MUC17: variants seen among roughly 807,000 people sequenced by gnomAD.
MUC17 encodes the protein mucin-17.
Under a neutral mutation model 170.3 loss-of-function variants are expected in MUC17, and 190 were observed. The ratio of observed to expected loss-of-function variants is 1.12; its 90% CI spans 0.99 to 1.26. The LOEUF is 1.26. MUC17 is among the 50% of genes most tolerant of loss of function. The pLI is 0.00. For synonymous variants in MUC17, 2,325 were observed against 2,002.5 expected (o/e 1.16, Z -4.30); for missense variants, 6,415 against 5,530.0 (o/e 1.16, Z -5.08).
chr7:101,050,806 G>A (rs1023683143), intron 7 of MUC17, among the ~76,000 whole-genome samples, 171 bp downstream of exon 7: 2 of 152,172 alleles, frequency 1.3e-5, no homozygotes, highest in South Asian at 4.1e-4. Flanking sequence ...GGATTGGGCC[G>A]AGAGAGTCTT....
chr7:101,029,860 A>G (rs1429121873), intron 1 of MUC17, among the ~76,000 whole-genome samples: 1 of 151,940 alleles, frequency 6.6e-6, no homozygotes, highest in African/African-American at 2.4e-5. Context: ...CGGCCTCCCA[A>G]AATGCTGAGA....
chr7:101,033,757 TCTA>T lies in MUC17; in HGVS notation c.2344_2346del (p.Thr782del). On this transcript the variant is annotated inframe_deletion, in exon 3 of 13. Coordinates refer to ENST00000306151, the MANE Select transcript of MUC17 (RefSeq NM_001040105.2). ...TGACACAAGCACACATATCACCACT[TCTA>T]CTGAAGCCAGTTGCTCTCCTACAAC... is the stretch of plus-strand genomic sequence containing the variant. 6.2e-7 allele frequency: 1 copy of T among 1,613,978 alleles called. No individual in the cohort carries two copies. Among genetic ancestry groups the T allele is most frequent in the Non-Finnish European group, 8.5e-7 (1 of 1,179,974 alleles).
At chr7:101,046,396 A>G (rs1395657509) in intron 3 of MUC17, among the ~76,000 whole-genome samples, 1 of 152,208 alleles carries the variant, frequency 6.6e-6, no homozygotes, top group African/African-American at 2.4e-5. Context: ...TTCCAGGTTG[A>G]TTGGCACAGA....
In MUC17 at chr7:101,043,761, G is replaced by A. The variant is rs140217158; in HGVS notation, c.12345G>A (p.Thr4115=). The A allele has an allele frequency of 1.9e-5, 30 of 1,613,716 alleles. No individual in the cohort carries two copies. The highest frequency in any genetic ancestry group is 8.3e-5 in the Admixed American group (5 of 59,972). ...CGGTGACCACCACCGCTGTCCCCAC[G>A]AATACTACAATTAAGAGCAACCCCA... ...FPTVTTTAVP[T]NTTIKSNPTS... Residue 4115 remains threonine, a synonymous_variant, in exon 3 of 13, where the codon ACG becomes ACA. Transcript: ENST00000306151.
intron 3 of MUC17, among the ~76,000 whole-genome samples, chr7:101,044,150 T>C (rs1466212678): frequency 6.6e-6 from 1 of 152,196 alleles, no homozygotes; most frequent in Non-Finnish European, 1.5e-5. Context: ...TTCATCCATG[T>C]CCCTACAAAG....
rs1369220459 is a variant in MUC17, at chr7:101,043,040, C to T, written c.11624C>T (p.Pro3875Leu). Residue 3875 changes from proline (P) to leucine (L), a missense_variant, in exon 3 of 13, where the codon CCA becomes CTA. Coordinates refer to ENST00000306151, the MANE Select transcript of MUC17 (RefSeq NM_001040105.2). ...TCAATTACCAGTGAAAGAAGCACTC[C>T]ATTAACAACTCTCCTTGTCAGCACC... is the stretch of plus-strand genomic sequence containing the variant. ...RISITSERST[P>L]LTTLLVSTTL... 1.2e-6 allele frequency: 2 copies of T among 1,614,180 alleles called. No homozygotes were observed. Among genetic ancestry groups the T allele is most frequent in the Non-Finnish European group, 8.5e-7 (1 of 1,180,038 alleles).
intron 8 of MUC17, 61 bp downstream of exon 8, chr7:101,051,742 G>A: frequency 6.2e-6 from 10 of 1,605,700 alleles, no homozygotes; most frequent in Non-Finnish European, 8.5e-6. Context: ...CAGGAGGAGT[G>A]GGACAGTGTC....
chr7:101,049,427 A>C lies in MUC17; in HGVS notation c.12722+45A>C, dbSNP rs1223230483. The C allele has an allele frequency of 1.9e-6, 3 of 1,584,324 alleles. No individual in the cohort carries two copies. In the African/African-American group the frequency reaches 4.0e-5, roughly 21 times the overall value. On this transcript the variant is annotated intron_variant, in intron 6 of 12. Coordinates refer to ENST00000306151, the MANE Select transcript of MUC17 (RefSeq NM_001040105.2). ...GGAAGAGGGTCTGTGGCGTGGAAGC[A>C]GTGGTCATAGTTATAAAGGCAATTA...
At position 101,034,718 on chromosome 7, in the gene MUC17, C is replaced by G. The variant is rs1165124273; in HGVS notation, c.3302C>G (p.Thr1101Ser). The change falls in exon 3 of 13, where the codon ACT becomes AGT. Residue 1101 changes from threonine to serine, a missense_variant. By Grantham distance (58) the Thr-to-Ser change is moderately conservative. Transcript: ENST00000306151. ...MPTSTYSEGSTPLTSVPVSTR... is the reference protein window; with the variant it reads ...MPTSTYSEGSSPLTSVPVSTR... ...ACCTCAACTTATAGTGAAGGAAGCA[C>G]TCCACTAACAAGTGTGCCTGTCAGC... 1.9e-6 allele frequency: 3 copies of G among 1,606,734 alleles called. No homozygotes were observed. The African/African-American group carries it at 4.0e-5, about 22-fold the overall frequency.
chr7:101,025,203 A>C (rs915796161), intron 1 of MUC17, among the ~76,000 whole-genome samples: 3 of 146,594 alleles, frequency 2.0e-5, no homozygotes, highest in African/African-American at 8.2e-5. Context: ...TCATCTCTAC[A>C]AAAAAATGTA....
intron 11 of MUC17, among the ~76,000 whole-genome samples, chr7:101,055,107 AAGGAGG>A (rs538191693): frequency 2.7e-4 from 41 of 151,892 alleles, no homozygotes; most frequent in Middle Eastern, 3.4e-3. Context: ...GATTCCGTAG[AAGGAGG>A]AGGAGGAGGA....
At position 101,041,403 on chromosome 7, in the gene MUC17, C is replaced by G; in HGVS notation, c.9987C>G (p.Ser3329Arg). ...SSSPPIADGT[S>R]MPTSTYSEGS... ...CTCCTCCAATTGCTGACGGTACTAG[C>G]ATGCCAACCTCAACTTATAGTGAAG... Residue 3329 changes from serine to arginine, a missense_variant, in exon 3 of 13, where the codon AGC becomes AGG. Transcript: ENST00000306151. 2 of 1,613,776 alleles carry G rather than the reference C, an allele frequency of 1.2e-6. No individual in the cohort carries two copies. The highest frequency in any genetic ancestry group is 4.5e-5 in the East Asian group (2 of 44,868).
chr7:101,041,085 A>T lies in MUC17; in HGVS notation c.9669A>T (p.Pro3223=). 6.2e-7 allele frequency: 1 copy of T among 1,613,884 alleles called. No homozygotes were observed. Among genetic ancestry groups the T allele is most frequent in the South Asian group, 1.1e-5 (1 of 91,060 alleles). ...CAACTCCTAGTGAAGGAATGACTCC[A>T]TTAACTAGTGTACCTGTCAGCAACA... ...PTSTPSEGMT[P]LTSVPVSNTP... is the part of the protein sequence containing the mutation. Residue 3223 remains proline (P), a synonymous_variant, in exon 3 of 13, where the codon CCA becomes CCT. Coordinates refer to ENST00000306151, the MANE Select transcript of MUC17 (RefSeq NM_001040105.2).
rs1248208222 is a variant in MUC17 at position 101,040,466 on chromosome 7, C to T, written c.9050C>T (p.Pro3017Leu). The T allele has an allele frequency of 3.7e-6, 6 of 1,612,360 alleles. No individual in the cohort carries two copies. The East Asian group carries it at 1.1e-4, about 30-fold the overall frequency. ...LSRTPADTST[P>L]VTTSTEASSS... ...AGAACTCCTGCTGACACCAGCACAC[C>T]TGTGACCACTTCTACTGAAGCCAGT... The change falls in exon 3 of 13, where the codon CCT becomes CTT. Residue 3017 changes from proline (P) to leucine (L), a missense_variant. Physicochemically the swap from Pro to Leu is moderately conservative, Grantham distance 98. Transcript: ENST00000306151.
rs1358406801 is a variant in MUC17 at position 101,040,102 on chromosome 7, A to G, written c.8686A>G (p.Thr2896Ala). ...CACCCTTTCAACAACTCCTGTTGAT[A>G]CCAGCATACCTGTCACCACTTCTAC... Reference protein sequence around the residue: ...ASTLSTTPVDTSIPVTTSTEG... With the variant: ...ASTLSTTPVDASIPVTTSTEG... Residue 2896 changes from threonine to alanine, a missense_variant, in exon 3 of 13, where the codon ACC (threonine) becomes GCC (alanine). Transcript: ENST00000306151. 7 of 1,612,194 alleles carry G rather than the reference A, an allele frequency of 4.3e-6. 1 individual carries two copies. Among genetic ancestry groups the G allele is most frequent in the Non-Finnish European group, 5.1e-6 (6 of 1,179,316 alleles).
At position 101,047,853 on chromosome 7, in the gene MUC17, G is replaced by A. The variant is rs2116468967; in HGVS notation, c.12404-131G>A. ...ACTCAAAAAACAAACAAATTAGACA[G>A]TGTCCGTGCAAACGCATTGTAAGCT... On this transcript the variant is annotated intron_variant, in intron 3 of 12. Coordinates refer to ENST00000306151, the MANE Select transcript of MUC17 (RefSeq NM_001040105.2). The A allele has an allele frequency of 8.0e-6, 9 of 1,128,620 alleles. No individual in the cohort carries two copies. The East Asian group carries it at 8.7e-5, about 11-fold the overall frequency. The allele number at this position is 1,128,620 out of a possible 1,614,324, so 69.9% of individuals were successfully genotyped here.
At position 101,038,338 on chromosome 7, in the gene MUC17, A is replaced by C. The variant is rs533663885; in HGVS notation, c.6922A>C (p.Thr2308Pro). 6.2e-7 allele frequency: 1 copy of C among 1,612,592 alleles called. No homozygotes were observed. Among genetic ancestry groups the C allele is most frequent in the African/African-American group, 1.3e-5 (1 of 74,514 alleles). Residue 2308 changes from threonine to proline, a missense_variant, in exon 3 of 13, where the codon ACT (threonine) becomes CCT (proline). By Grantham distance (38) the Thr-to-Pro change is conservative. Transcript: ENST00000306151. The stretch of plus-strand genomic sequence containing the variant: ...TTCAACAACTCCTGTTGACTCCAAC[A>C]CTCCTTTCACTACTTCTACTGAAGC... ...TLSTTPVDSNTPFTTSTEASS... is the reference protein window; with the variant it reads ...TLSTTPVDSNPPFTTSTEASS...
In MUC17 at chr7:101,035,610, A is replaced by G. The variant is rs376579890; in HGVS notation, c.4194A>G (p.Leu1398=). Residue 1398 remains leucine, a synonymous_variant, in exon 3 of 13, where the codon TTA becomes TTG. Transcript: ENST00000306151. ...ATCCTAGTGAAGGAACCACTCCGTT[A>G]ACAAGTATACCTGTCAGCACCACGC... ...NSNPSEGTTP[L]TSIPVSTTPV... 6.2e-7 allele frequency: 1 copy of G among 1,613,710 alleles called. No individual in the cohort carries two copies. The highest frequency in any genetic ancestry group is 8.5e-7 in the Non-Finnish European group (1 of 1,179,834).
In MUC17 at chr7:101,036,292, C is replaced by G; in HGVS notation, c.4876C>G (p.Pro1626Ala). 5 of 1,613,148 alleles carry G rather than the reference C, an allele frequency of 3.1e-6. No individual in the cohort carries two copies. Among genetic ancestry groups the G allele is most frequent in the South Asian group, 1.1e-5 (1 of 91,050 alleles). ...AEGSSMTIST[P>A]SEGSPLLTSI... Reference sequence around the variant, plus strand: ...AGGTAGCAGCATGACAATCTCAACTCCTAGTGAAGGAAGTCCTCTATTAAC... The same window carrying G: ...AGGTAGCAGCATGACAATCTCAACTGCTAGTGAAGGAAGTCCTCTATTAAC... The change falls in exon 3 of 13, where the codon CCT becomes GCT. Residue 1626 changes from proline to alanine, a missense_variant. Pro to Ala is a conservative substitution (Grantham distance 27, BLOSUM62 -1). Transcript: ENST00000306151.
Sources: gnomAD v4.1 joint callset for allele counts (sites outside exome capture counted in the v4.1 genomes callset) on GRCh38, gnomAD v4.1.1 for gene constraint, MANE v1.5 for transcripts, NCBI Gene and HGNC (gene_info 2026-07-23, HGNC 2026-07-21) for gene names.